Variants in CDK14 observed in about 807,000 individuals in gnomAD.
CDK14 encodes the protein cyclin-dependent kinase 14.
Under a neutral mutation model 60.7 loss-of-function variants are expected in CDK14, and 34 were observed. That is an observed-to-expected ratio of 0.56 (90% CI 0.43 to 0.75). The LOEUF (loss-of-function observed/expected upper bound fraction) is 0.75. Among genes scored for constraint, CDK14 ranks in the 30% least tolerant of loss-of-function variants. The probability of loss-of-function intolerance (pLI) is 0.00; values close to 1 mark genes in which losing one functional copy is unlikely to be tolerated. For missense variants in CDK14, 482 were observed against 564.1 expected (o/e 0.85, Z 1.47); for synonymous variants, 197 against 203.7 (o/e 0.97, Z 0.28).
In CDK14 at chr7:90,911,629, T is replaced by C. The variant is rs1267724717; in HGVS notation, c.703-5972T>C. On this transcript the variant is annotated intron_variant, in intron 7 of 14. Transcript: ENST00000380050. ...TAAATAATCTGTGTATTTCTGACCA[T>C]TCATGGAGCAGGACACCTCTAGACA... is the stretch of plus-strand genomic sequence containing the variant. Among the ~76,000 whole-genome samples the C allele has an allele frequency of 2.0e-5, 3 of 150,626 alleles. No individual in the cohort carries two copies. In the East Asian group the frequency reaches 5.9e-4, roughly 30 times the overall value.
intron 7 of CDK14, among the ~76,000 whole-genome samples, chr7:90,917,382 G>C (rs140888577): frequency 3.9e-5 from 6 of 152,134 alleles, no homozygotes; most frequent in African/African-American, 1.4e-4. Flanking sequence ...AATCACTCTC[G>C]GGTTGATATA....
chr7:90,804,131 C>A (rs141847107), intron 5 of CDK14, among the ~76,000 whole-genome samples: 1 of 152,102 alleles, frequency 6.6e-6, no homozygotes, highest in African/African-American at 2.4e-5. Flanking sequence ...AGCAAAAAGG[C>A]GATATTGAGA....
intron 7 of CDK14, among the ~76,000 whole-genome samples, chr7:90,910,296 G>A (rs746277049): frequency 2.6e-5 from 4 of 152,116 alleles, no homozygotes; most frequent in Non-Finnish European, 5.9e-5. Context: ...ATTTGCATTA[G>A]CTGTTTTGAA....
chr7:90,744,607 C>A (rs1454451215), intron 3 of CDK14, among the ~76,000 whole-genome samples: 1 of 151,766 alleles, frequency 6.6e-6, no homozygotes, highest in Non-Finnish European at 1.5e-5. Flanking sequence ...GCGCCCCTCA[C>A]CTCCCGGATG....
chr7:91,169,676 A>G (rs76060910), intron 14 of CDK14, among the ~76,000 whole-genome samples: 3,621 of 152,302 alleles, frequency 0.024, 135 homozygotes, highest in African/African-American at 0.082. Context: ...ACTCTGAAAC[A>G]GTAACAAGCC....
chr7:90,642,012 A>G (rs902035917), intron 2 of CDK14, among the ~76,000 whole-genome samples: 5 of 152,146 alleles, frequency 3.3e-5, no homozygotes, highest in Non-Finnish European at 5.9e-5. Flanking sequence ...ACAGCAAGGG[A>G]AAAACCTGCC....
intron 4 of CDK14, among the ~76,000 whole-genome samples, chr7:90,780,464 GT>G (rs1477818760): frequency 6.6e-6 from 1 of 150,484 alleles, no homozygotes; most frequent in Non-Finnish European, 1.5e-5. Context: ...TAGGGTACAT[GT>G]GCACAATGTG....
chr7:90,917,787 G>T, intron 8 of CDK14, 63 bp downstream of exon 8: 8 of 1,540,600 alleles, frequency 5.2e-6, no homozygotes, highest in Non-Finnish European at 7.1e-6. Flanking sequence ...GCAGATGGTG[G>T]CACTGCATTT....
chr7:90,779,771 TAAGCA>T, intron 4 of CDK14, among the ~76,000 whole-genome samples: 1 of 152,216 alleles, frequency 6.6e-6, no homozygotes, highest in Non-Finnish European at 1.5e-5. Context: ...TTTTGAAAGA[TAAGCA>T]TTGTGTTTTA....
chr7:91,168,258 C>T (rs1481346336), intron 14 of CDK14, among the ~76,000 whole-genome samples: 2 of 83,604 alleles, frequency 2.4e-5, no homozygotes, highest in Non-Finnish European at 4.0e-5. Context: ...GAGACTCTGT[C>T]TCAAAAAAAA....
intron 12 of CDK14, among the ~76,000 whole-genome samples, chr7:91,091,260 A>T (rs1039060002): frequency 2.7e-5 from 4 of 145,700 alleles, no homozygotes; most frequent in Non-Finnish European, 6.0e-5. Context: ...AAAATATTTT[A>T]TTTATTTATT....
chr7:91,051,732 G>A (rs917775641), intron 11 of CDK14, among the ~76,000 whole-genome samples: 1 of 152,152 alleles, frequency 6.6e-6, no homozygotes, highest in African/African-American at 2.4e-5. Flanking sequence ...TCACTAACAG[G>A]AGGCTTTTGC....
intron 5 of CDK14, among the ~76,000 whole-genome samples, chr7:90,811,474 G>C (rs1789109686): frequency 6.6e-6 from 1 of 152,146 alleles, no homozygotes; most frequent in Admixed American, 6.5e-5. Flanking sequence ...ATTCAAGATG[G>C]ATTAAAGACT....
At chr7:90,734,252 C>T (rs187108946) in intron 3 of CDK14, among the ~76,000 whole-genome samples, 62 of 152,176 alleles carry the variant, frequency 4.1e-4, no homozygotes, top group African/African-American at 1.5e-3. Context: ...TTTTTTCCTT[C>T]ATTTCAGCCT....
rs184925046 is a variant in CDK14 at position 90,860,506 on chromosome 7, G to T, written c.545-2669G>T. ...GTGTTGCAAAGAATCTGATTATGGGGATGTGATGTGTCTCATTCCTTTTTT... is the reference window on the plus strand; with the variant it reads ...GTGTTGCAAAGAATCTGATTATGGGTATGTGATGTGTCTCATTCCTTTTTT... On this transcript the variant is annotated intron_variant, in intron 5 of 14. Transcript: ENST00000380050. 1.3e-4 allele frequency among the ~76,000 whole-genome samples: 20 copies of T among 150,954 alleles called. No homozygotes were observed. The East Asian group carries it at 3.9e-3, about 29-fold the overall frequency.
At chr7:90,838,848 T>G (rs373082971) in intron 5 of CDK14, among the ~76,000 whole-genome samples, 42 of 152,300 alleles carry the variant, frequency 2.8e-4, no homozygotes, top group African/African-American at 9.9e-4. Context: ...GTAATTCTAA[T>G]TTCGCCCTTG....
chr7:91,160,339 G>A (rs1445951982), intron 14 of CDK14, among the ~76,000 whole-genome samples: 2 of 152,100 alleles, frequency 1.3e-5, no homozygotes, highest in African/African-American at 4.8e-5. Context: ...GAGAGCATAA[G>A]TACCACCTCC....
chr7:90,724,150 T>A (rs905657484), intron 2 of CDK14, among the ~76,000 whole-genome samples: 1 of 152,068 alleles, frequency 6.6e-6, no homozygotes, highest in Non-Finnish European at 1.5e-5. Flanking sequence ...TTTTTTTTTT[T>A]AACTGAGTGA....
At chr7:90,596,805 T>A in intron 1 of CDK14, 87 bp downstream of exon 1, 1 of 1,144,572 alleles carries the variant, frequency 8.7e-7, no homozygotes, top group Non-Finnish European at 1.3e-6. Flanking sequence ...GCCATGCAGC[T>A]GCCAGCGGGG....
Sources: allele counts gnomAD v4.1 joint callset (sites outside exome capture counted in the v4.1 genomes callset), GRCh38; gene constraint gnomAD v4.1.1; transcripts MANE v1.5; gene names NCBI Gene and HGNC (gene_info 2026-07-23, HGNC 2026-07-21).